Variants in CAGE1 observed in about 807,000 individuals in gnomAD.
CAGE1 encodes the protein cancer antigen 1.
A neutral mutation model predicts 94.9 loss-of-function variants in CAGE1; 66 were observed. The observed-to-expected ratio is 0.70, with a 90% confidence interval of 0.57 to 0.85. The LOEUF (loss-of-function observed/expected upper bound fraction) is 0.85, where lower values mean the gene tolerates loss of function less well. Ranked by LOEUF, CAGE1 falls within the 40% of genes least tolerant of loss-of-function variation. The probability of loss-of-function intolerance (pLI) is 0.00; values close to 1 mark genes in which losing one functional copy is unlikely to be tolerated. For missense variants in CAGE1, 865 were observed against 950.4 expected (o/e 0.91, Z 1.18); for synonymous variants, 319 against 321.0 (o/e 0.99, Z 0.07).
rs371906714 is a variant in CAGE1 at position 7,329,338 on chromosome 6, T to C, written c.2478+511A>G. 34 of 351,842 alleles carry C rather than the reference T, an allele frequency of 9.7e-5. No individual in the cohort carries two copies. The East Asian group carries it at 9.9e-4, about 10-fold the overall frequency. 21.8% of individuals were successfully genotyped at this position (351,842 alleles called of 1,614,324 possible). On this transcript the variant is annotated intron_variant, in intron 13 of 13. Transcript: ENST00000502583. ...GGTTAGATGTGGCCAATATGCATGA[T>C]GAGAAGGAGAAAGCAGTGAACGGTA...
intron 7 of CAGE1, among the ~76,000 whole-genome samples, chr6:7,366,661 A>G (rs1487844109): frequency 6.6e-6 from 1 of 152,166 alleles, no homozygotes; most frequent in Admixed American, 6.5e-5. Context: ...AACGAAATGC[A>G]TCCTGTGTGA....
chr6:7,328,930 A>ATTTTTTTTTT, intron 13 of CAGE1, among the ~76,000 whole-genome samples: 1 of 85,588 alleles, frequency 1.2e-5, no homozygotes, highest in Admixed American at 1.1e-4. Context: ...ATATATATAT[A>ATTTTTTTTTT]TATATTTTTT....
At chr6:7,332,363 C>G (rs1758787626) in intron 12 of CAGE1, among the ~76,000 whole-genome samples, 1 of 152,200 alleles carries the variant, frequency 6.6e-6, no homozygotes, top group South Asian at 2.1e-4. Context: ...TGGGTGATCA[C>G]TCGATACTCT....
intron 13 of CAGE1, among the ~76,000 whole-genome samples, chr6:7,328,873 AGTGTGTGTGTGTGTGTGTGTGT>A (rs545926619): frequency 2.8e-4 from 30 of 105,408 alleles, no homozygotes; most frequent in African/African-American, 9.2e-4. Flanking sequence ...GTATCTTATA[AGTGTGTGTGTGTGTGTGTGTGT>A]GTGTGTGTGT....
At chr6:7,388,549 A>G (rs1182749335) in intron 1 of CAGE1, among the ~76,000 whole-genome samples, 5 of 152,200 alleles carry the variant, frequency 3.3e-5, no homozygotes, top group Admixed American at 3.3e-4. Context: ...CCCTACTGCA[A>G]ATGGACCAGT....
chr6:7,384,146 CG>C (rs887485764), intron 3 of CAGE1, among the ~76,000 whole-genome samples: 1 of 152,122 alleles, frequency 6.6e-6, no homozygotes, highest in Admixed American at 6.5e-5. Flanking sequence ...GGCACCATCT[CG>C]GCTCACTGCA....
intron 12 of CAGE1, chr6:7,331,523 T>G: frequency 2.5e-6 from 1 of 398,786 alleles, no homozygotes; most frequent in Non-Finnish European, 4.8e-6. Context: ...CTCTGCTGAT[T>G]GCCCTGGTTT....
intron 7 of CAGE1, among the ~76,000 whole-genome samples, chr6:7,366,788 C>T (rs900236515): frequency 1.3e-4 from 20 of 151,750 alleles, no homozygotes; most frequent in Non-Finnish European, 2.6e-4. Context: ...GCTGTGAGGA[C>T]GACTCACAGT....
At chr6:7,387,427 G>A (rs1761157793) in intron 1 of CAGE1, among the ~76,000 whole-genome samples, 2 of 152,112 alleles carry the variant, frequency 1.3e-5, no homozygotes, top group Admixed American at 6.5e-5. Context: ...CTCCCTAGAA[G>A]GCTTTGGACC....
intron 9 of CAGE1, among the ~76,000 whole-genome samples, chr6:7,358,028 ATATATATATATAT>A (rs1561858051): frequency 0.15 from 9,947 of 66,896 alleles, 780 homozygotes; most frequent in Admixed American, 0.16. Context: ...AAGTTTTGAG[ATATATATATATAT>A]ATATATATAT....
Position 7,373,742 on chromosome 6 carries a change from C to T in CAGE1, c.1077G>A (p.Glu359=). Residue 359 remains glutamate, a synonymous_variant, in exon 5 of 14, where the codon GAG becomes GAA. Coordinates refer to ENST00000502583, the MANE Select transcript of CAGE1 (RefSeq NM_001170692.2). The part of the protein sequence containing the change: ...VFIDVINKLK[E]NVEELIEDKY... ...TGTCTTCAATTAATTCTTCAACATT[C>T]TCCTTTAGCTTATTGATGACATCAA... The T allele has an allele frequency of 1.2e-6, 2 of 1,613,004 alleles. No individual in the cohort carries two copies. Among genetic ancestry groups the T allele is most frequent in the Non-Finnish European group, 1.7e-6 (2 of 1,179,318 alleles).
chr6:7,328,460 G>A (rs1031388285), intron 13 of CAGE1, among the ~76,000 whole-genome samples: 16 of 152,160 alleles, frequency 1.1e-4, no homozygotes, highest in Admixed American at 8.5e-4. Flanking sequence ...GCGTTTGTGA[G>A]GTGGGAACTG....
At position 7,378,735 on chromosome 6, in the gene CAGE1, C is replaced by CTT. The variant is rs867365457; in HGVS notation, c.567_568dup (p.Ser190LysfsTer5). ...TCCACTGCAGTGGATTAGAGGCGGGCTTCTAGGAGGAGGCTGTCTAAAATA... is the reference window on the plus strand; with the variant it reads ...TCCACTGCAGTGGATTAGAGGCGGGCTTTTCTAGGAGGAGGCTGTCTAAAATA... On this transcript the variant is annotated frameshift_variant, in exon 4 of 14. Transcript: ENST00000502583. LOFTEE classifies it high-confidence loss of function. The CTT allele has an allele frequency of 6.2e-7, 1 of 1,613,944 alleles. No individual in the cohort carries two copies. The highest frequency in any genetic ancestry group is 8.5e-7 in the Non-Finnish European group (1 of 1,179,870).
chr6:7,373,789 T>A lies in CAGE1; in HGVS notation c.1030A>T (p.Ile344Phe). 1 of 1,613,916 alleles carries A rather than the reference T, an allele frequency of 6.2e-7. No homozygotes were observed. Among genetic ancestry groups the A allele is most frequent in the Non-Finnish European group, 8.5e-7 (1 of 1,179,814 alleles). Reference protein sequence around the residue: ...EKRVKELQMKITKQQVFIDVI... With the variant: ...EKRVKELQMKFTKQQVFIDVI... The stretch of plus-strand genomic sequence containing the variant: ...TCAATGAACACTTGCTGTTTGGTAA[T>A]CTTCATCTGTAGTTCTTTAACCCTC... The change falls in exon 5 of 14, where the codon ATT becomes TTT. Residue 344 changes from isoleucine to phenylalanine, a missense_variant. Coordinates refer to ENST00000502583, the MANE Select transcript of CAGE1 (RefSeq NM_001170692.2).
At chr6:7,344,948 A>C (rs528218546) in intron 11 of CAGE1, among the ~76,000 whole-genome samples, 1 of 152,288 alleles carries the variant, frequency 6.6e-6, no homozygotes, top group African/African-American at 2.4e-5. Context: ...TAAACGCACC[A>C]ATCAGCGCCC....
At chr6:7,344,359 G>A (rs111659778) in intron 11 of CAGE1, among the ~76,000 whole-genome samples, 14 of 152,232 alleles carry the variant, frequency 9.2e-5, no homozygotes, top group Admixed American at 1.3e-4. Flanking sequence ...TTTAGCACCC[G>A]GGCCAGCGGC....
chr6:7,387,125 G>C lies in CAGE1; in HGVS notation c.49C>G (p.His17Asp). The change falls in exon 2 of 14, where the codon CAT becomes GAT. Residue 17 changes from histidine to aspartate, a missense_variant. By Grantham distance (81) the His-to-Asp change is moderately conservative. Transcript: ENST00000502583. ...KFWSSPSDPV[H>D]FEVDTSHEKV... Reference sequence around the variant, plus strand: ...TCATGAGAAGTATCCACTTCAAAATGTACAGGATCTGAAGGTGATGACCAA... The same window carrying C: ...TCATGAGAAGTATCCACTTCAAAATCTACAGGATCTGAAGGTGATGACCAA... 1 of 1,551,158 alleles carries C rather than the reference G, an allele frequency of 6.4e-7. No individual in the cohort carries two copies. Among genetic ancestry groups the C allele is most frequent in the Non-Finnish European group, 8.7e-7 (1 of 1,146,628 alleles).
rs1760834538 is a variant in CAGE1 at position 7,378,684 on chromosome 6, G to A, written c.620C>T (p.Ser207Leu). 1.2e-6 allele frequency: 2 copies of A among 1,612,940 alleles called. No individual in the cohort carries two copies. Among genetic ancestry groups the A allele is most frequent in the Admixed American group, 3.3e-5 (2 of 59,784 alleles). ...TTCCTTGGCAATACTTTTAGCCAGT[G>A]ACTTTTCTGTAAATTTCAGCATCTC... is the stretch of plus-strand genomic sequence containing the variant. ...SGEMLKFTEK[S>L]LAKSIAKESA... The change falls in exon 4 of 14, where the codon TCA (serine) becomes TTA (leucine). Residue 207 changes from serine to leucine, a missense_variant. Physicochemically the swap from Ser to Leu is moderately radical, Grantham distance 145 (BLOSUM62 -2). Coordinates refer to ENST00000502583, the MANE Select transcript of CAGE1 (RefSeq NM_001170692.2).
chr6:7,341,601 C>T, intron 11 of CAGE1: 1 of 904,024 alleles, frequency 1.1e-6, no homozygotes, highest in South Asian at 1.3e-5. Context: ...CTAACTTGTC[C>T]ACAGCAAGGT....
Sources: gnomAD v4.1 joint callset for allele counts (sites outside exome capture counted in the v4.1 genomes callset) on GRCh38, gnomAD v4.1.1 for gene constraint, MANE v1.5 for transcripts, NCBI Gene and HGNC (gene_info 2026-07-23, HGNC 2026-07-21) for gene names.